The following BCL11B variants were observed in gnomAD, a reference collection of about 807,000 sequenced individuals.
The protein encoded by BCL11B is B-cell lymphoma/leukemia 11B.
In BCL11B, 8 loss-of-function variants were observed where a neutral mutation model predicts 49.9. That is an observed-to-expected ratio of 0.16 (90% CI 0.09 to 0.29). The LOEUF is 0.29. BCL11B is among the 10% of genes least tolerant of loss of function. The pLI, the probability that BCL11B is intolerant of heterozygous loss-of-function variation, is 1.00. For synonymous variants in BCL11B, 739 were observed against 637.4 expected, an observed-to-expected ratio of 1.16 and a Z score of -2.40; for missense variants, 1,006 against 1,351.0, an observed-to-expected ratio of 0.74 and a Z score of 4.00.
intron 2 of BCL11B, among the ~76,000 whole-genome samples, chr14:99,255,877 T>C (rs756086851): frequency 1.3e-5 from 2 of 152,144 alleles, no homozygotes; most frequent in Non-Finnish European, 2.9e-5. Flanking sequence ...GCCCCTTGCA[T>C]CTTGGAAAGT....
At chr14:99,220,193 C>T (rs1191732021) in intron 3 of BCL11B, among the ~76,000 whole-genome samples, 1 of 152,188 alleles carries the variant, frequency 6.6e-6, no homozygotes, top group African/African-American at 2.4e-5. Flanking sequence ...GGCAATTCCT[C>T]AAAAAATTAA....
At chr14:99,233,299 A>G (rs1230120948) in intron 2 of BCL11B, among the ~76,000 whole-genome samples, 1 of 152,060 alleles carries the variant, frequency 6.6e-6, no homozygotes. Flanking sequence ...AAAGATCCAC[A>G]TTCCACTGGG....
At chr14:99,185,466 T>C (rs72702633) in intron 3 of BCL11B, among the ~76,000 whole-genome samples, 31,688 of 146,336 alleles carry the variant, frequency 0.22, 3,837 homozygotes, top group Non-Finnish European at 0.27. Flanking sequence ...AAAAAAACTA[T>C]ATGACCAGTA....
intron 3 of BCL11B, among the ~76,000 whole-genome samples, chr14:99,203,528 T>A (rs1186341534): frequency 6.6e-6 from 1 of 152,124 alleles, no homozygotes; most frequent in African/African-American, 2.4e-5. Flanking sequence ...GAGAAGTGGG[T>A]TCGGAATGGG....
intron 3 of BCL11B, among the ~76,000 whole-genome samples, chr14:99,212,554 G>C (rs1048036418): frequency 1.3e-5 from 2 of 152,164 alleles, no homozygotes; most frequent in African/African-American, 4.8e-5. Flanking sequence ...TCACAGCCTG[G>C]TCTCCCAGGA....
At chr14:99,254,748 C>T (rs1186416822) in intron 2 of BCL11B, among the ~76,000 whole-genome samples, 1 of 152,198 alleles carries the variant, frequency 6.6e-6, no homozygotes, top group African/African-American at 2.4e-5. Flanking sequence ...GGGCCAGGAG[C>T]GTGGGCAGCA....
In BCL11B at chr14:99,170,295, A is replaced by G. The variant is rs142778175; in HGVS notation, c.*3856T>C. Reference sequence around the variant, plus strand: ...AACTTTGCAAAGGTAAGTGGCAAGGAGGAAAGAGTGCATCGAACAGAAAAG... The same window carrying G: ...AACTTTGCAAAGGTAAGTGGCAAGGGGGAAAGAGTGCATCGAACAGAAAAG... On this transcript the variant is annotated 3_prime_UTR_variant, in exon 4 of 4. Coordinates refer to ENST00000357195, the MANE Select transcript of BCL11B (RefSeq NM_138576.4). 7.2e-4 allele frequency: 160 copies of G among 221,034 alleles called. No homozygotes were observed. The highest frequency in any genetic ancestry group is 3.3e-3 in the African/African-American group (148 of 44,766). The allele number at this position is 221,034 out of a possible 1,614,324, so 13.7% of individuals were successfully genotyped here.
chr14:99,234,261 G>T (rs1888424781), intron 2 of BCL11B, among the ~76,000 whole-genome samples: 1 of 152,096 alleles, frequency 6.6e-6, no homozygotes, highest in Admixed American at 6.5e-5. Flanking sequence ...ATTGTGAATA[G>T]ATCCAAAACC....
chr14:99,218,773 A>C (rs1162434988), intron 3 of BCL11B, among the ~76,000 whole-genome samples: 3 of 152,184 alleles, frequency 2.0e-5, no homozygotes, highest in African/African-American at 4.8e-5. Context: ...GGACCTGTAA[A>C]TGTGAGCTTA....
chr14:99,244,464 C>T (rs940866345), intron 2 of BCL11B, among the ~76,000 whole-genome samples: 1 of 152,124 alleles, frequency 6.6e-6, no homozygotes, highest in Non-Finnish European at 1.5e-5. Flanking sequence ...TAATCAAACA[C>T]GAGAATCTGC....
At chr14:99,237,954 CA>C (rs1888552747) in intron 2 of BCL11B, among the ~76,000 whole-genome samples, 1 of 151,986 alleles carries the variant, frequency 6.6e-6, no homozygotes, top group Admixed American at 6.5e-5. Flanking sequence ...GTGGGTTCAC[CA>C]GGGGCCTCCA....
chr14:99,204,827 C>T (rs1024063870), intron 3 of BCL11B, among the ~76,000 whole-genome samples: 5 of 152,216 alleles, frequency 3.3e-5, no homozygotes, highest in Admixed American at 6.5e-5. Context: ...AAGGCTGTCA[C>T]GAAGGGCTGC....
chr14:99,232,243 C>A lies in BCL11B; in HGVS notation c.428-686G>T, dbSNP rs1888361422. 6.6e-6 allele frequency among the ~76,000 whole-genome samples: 1 copy of A among 152,154 alleles called. No individual in the cohort carries two copies. Among genetic ancestry groups the A allele is most frequent in the Non-Finnish European group, 1.5e-5 (1 of 68,012 alleles). ...TGCTCACCCCCTCCTAACGTCTCGG[C>A]CTGGCTTGGGAGGCCTCCCGCCATG... On this transcript the variant is annotated intron_variant, in intron 2 of 3. Coordinates refer to ENST00000357195, the MANE Select transcript of BCL11B (RefSeq NM_138576.4). The surrounding 1 kb of genome is among the most constrained non-coding windows in gnomAD (Gnocchi z 5.1).
At chr14:99,236,569 T>C (rs1888505321) in intron 2 of BCL11B, among the ~76,000 whole-genome samples, 1 of 152,166 alleles carries the variant, frequency 6.6e-6, no homozygotes, top group Admixed American at 6.5e-5. Flanking sequence ...CTGGCACTTC[T>C]AGGCTGGTCC....
rs1394098155 is a variant in BCL11B at position 99,205,058 on chromosome 14, G to T, written c.640+26287C>A. On this transcript the variant is annotated intron_variant, in intron 3 of 3. Transcript: ENST00000357195. This position sits in a 1 kb window ranked among gnomAD's most constrained non-coding sequence, Gnocchi z 5.0. Reference sequence around the variant, plus strand: ...GGTCCCAGATCACCTGTGGGCAGGTGTTCAGGGGATGCCCCTCCAGTTACA... The same window carrying T: ...GGTCCCAGATCACCTGTGGGCAGGTTTTCAGGGGATGCCCCTCCAGTTACA... 1.3e-5 allele frequency among the ~76,000 whole-genome samples: 2 copies of T among 152,270 alleles called. No homozygotes were observed. Among genetic ancestry groups the T allele is most frequent in the African/African-American group, 4.8e-5 (2 of 41,556 alleles).
At chr14:99,267,320 A>C (rs1889511774) in intron 1 of BCL11B, among the ~76,000 whole-genome samples, 1 of 152,186 alleles carries the variant, frequency 6.6e-6, no homozygotes, top group Admixed American at 6.5e-5. Context: ...TATGTACATC[A>C]TATCATTCAG....
At chr14:99,265,344 G>A (rs1448639024) in intron 1 of BCL11B, among the ~76,000 whole-genome samples, 1 of 152,040 alleles carries the variant, frequency 6.6e-6, no homozygotes, top group Non-Finnish European at 1.5e-5. Flanking sequence ...CATTAACCTC[G>A]AGGCCAAAGT....
At chr14:99,218,332 G>A (rs892773045) in intron 3 of BCL11B, among the ~76,000 whole-genome samples, 48 of 148,734 alleles carry the variant, frequency 3.2e-4, no homozygotes, top group African/African-American at 1.2e-3. Flanking sequence ...CGCCCGCCTC[G>A]GCCTCCCAAA....
chr14:99,212,542 G>C (rs772716477), intron 3 of BCL11B, among the ~76,000 whole-genome samples: 2 of 152,170 alleles, frequency 1.3e-5, no homozygotes, highest in Non-Finnish European at 2.9e-5. Flanking sequence ...GTCCAGGCTA[G>C]CTCACAGCCT....
Sources: allele counts gnomAD v4.1 joint callset (sites outside exome capture counted in the v4.1 genomes callset), GRCh38; gene constraint gnomAD v4.1.1; non-coding constraint Gnocchi (gnomAD v3.1); transcripts MANE v1.5; gene names NCBI Gene and HGNC (gene_info 2026-07-23, HGNC 2026-07-21).